The following LRFN2 variants were observed in gnomAD, a reference collection of about 807,000 sequenced individuals.
LRFN2 encodes leucine rich repeat and fibronectin type III domain containing 2.
A neutral mutation model predicts 37.3 loss-of-function variants in LRFN2; 18 were observed. That is an observed-to-expected ratio of 0.48 (90% confidence interval 0.33 to 0.72). The LOEUF (loss-of-function observed/expected upper bound fraction) is 0.72, where lower values mean the gene tolerates loss of function less well. LRFN2 is among the 30% of genes least tolerant of loss of function. The pLI is 0.02. For synonymous variants in LRFN2, 556 were observed against 466.6 expected (o/e 1.19, Z -2.47); for missense variants, 1,006 against 1,060.7 (o/e 0.95, Z 0.72).
At chr6:40,475,779 G>C (rs1764697005) in intron 1 of LRFN2, among the ~76,000 whole-genome samples, 1 of 152,100 alleles carries the variant, frequency 6.6e-6, no homozygotes. Context: ...CAATGCTCCT[G>C]GGATGTGCTG....
At position 40,392,581 on chromosome 6, in the gene LRFN2, G is replaced by T; in HGVS notation, c.1732C>A (p.Gln578Lys). ...MAAAVSNVYS[Q>K]TNGAQPPPPS... ...GGCGGTGGCTGGGCGCCGTTGGTCT[G>T]CGAGTACACATTGCTCACGGCCGCT... The change falls in exon 3 of 3, where the codon CAG becomes AAG. Residue 578 changes from glutamine (Q) to lysine (K), a missense_variant. Physicochemically the swap from Gln to Lys is moderately conservative, Grantham distance 53. Around this residue, in one of 4 missense-constraint regions of LRFN2, gnomAD observed 398 missense variants for 327.6 expected, o/e 1.21. Coordinates refer to ENST00000338305, the MANE Select transcript of LRFN2 (RefSeq NM_020737.3). The surrounding 1 kb of genome is among the most constrained non-coding windows in gnomAD (Gnocchi z 4.7). The T allele has an allele frequency of 6.2e-7, 1 of 1,607,392 alleles. No individual in the cohort carries two copies.
At chr6:40,477,705 C>T (rs2113861345) in intron 1 of LRFN2, among the ~76,000 whole-genome samples, 1 of 152,238 alleles carries the variant, frequency 6.6e-6, no homozygotes, top group Admixed American at 6.5e-5. Context: ...TTGGGCACAT[C>T]CTGTCCCACT....
intron 1 of LRFN2, among the ~76,000 whole-genome samples, chr6:40,442,652 C>G (rs1763865773): frequency 6.6e-6 from 1 of 152,174 alleles, no homozygotes; most frequent in African/African-American, 2.4e-5. Context: ...CTCTGTTTCC[C>G]CTCAGACTGG....
chr6:40,539,258 C>T (rs574348127), intron 1 of LRFN2, among the ~76,000 whole-genome samples: 7 of 152,298 alleles, frequency 4.6e-5, no homozygotes, highest in Non-Finnish European at 8.8e-5. Flanking sequence ...AGTGACCTTC[C>T]CTTTTGGGGG....
Position 40,459,009 on chromosome 6 carries a change from C to T in LRFN2, c.-18-25878G>A, listed in dbSNP as rs571357042. On this transcript the variant is annotated intron_variant, in intron 1 of 2. Transcript: ENST00000338305. ...CAACTTTACCTTATCCTAACTGATACACTGGATTAAAAGATGCTACAACAA... is the reference window on the plus strand; with the variant it reads ...CAACTTTACCTTATCCTAACTGATATACTGGATTAAAAGATGCTACAACAA... Among the ~76,000 whole-genome samples, 16 of 152,364 alleles carry T rather than the reference C, an allele frequency of 1.1e-4. No homozygotes were observed. The South Asian group carries it at 1.5e-3, about 14-fold the overall frequency.
At chr6:40,444,796 A>T (rs999412320) in intron 1 of LRFN2, among the ~76,000 whole-genome samples, 5 of 151,836 alleles carry the variant, frequency 3.3e-5, no homozygotes, top group Non-Finnish European at 5.9e-5. Context: ...AGTTCTGTCC[A>T]CCCCGCACAG....
rs1372620075 is a variant in LRFN2 at position 40,547,648 on chromosome 6, TG to T, written c.-19+39292del. ...TGCCTCCTGAATAGGGGAGGTCAAC[TG>T]GGAAGATCAACAGAAGATGGGAGGG... On this transcript the variant is annotated intron_variant, in intron 1 of 2. Transcript: ENST00000338305. 9.9e-5 allele frequency among the ~76,000 whole-genome samples: 15 copies of T among 152,192 alleles called. No homozygotes were observed. The East Asian group carries it at 2.7e-3, about 28-fold the overall frequency.
At chr6:40,539,073 T>C (rs891476114) in intron 1 of LRFN2, among the ~76,000 whole-genome samples, 2 of 151,950 alleles carry the variant, frequency 1.3e-5, no homozygotes, top group African/African-American at 4.8e-5. Flanking sequence ...CCTCACTCCA[T>C]CTTCTACCCT....
At chr6:40,520,222 C>T (rs1766017988) in intron 1 of LRFN2, among the ~76,000 whole-genome samples, 1 of 151,928 alleles carries the variant, frequency 6.6e-6, no homozygotes, top group African/African-American at 2.4e-5. Flanking sequence ...GAAGCCCAGC[C>T]CGAGAGGAGA....
chr6:40,459,493 CAT>C (rs1385767246), intron 1 of LRFN2, among the ~76,000 whole-genome samples: 2 of 152,202 alleles, frequency 1.3e-5, no homozygotes, highest in East Asian at 1.9e-4. Flanking sequence ...ATAGACAAAA[CAT>C]GTGTGTTTTG....
intron 1 of LRFN2, among the ~76,000 whole-genome samples, chr6:40,575,032 T>C (rs956213778): frequency 2.6e-5 from 4 of 152,112 alleles, no homozygotes; most frequent in African/African-American, 7.2e-5. Flanking sequence ...GCCATGGCAA[T>C]GGGTCCTTAG....
At chr6:40,512,506 C>T (rs929067497) in intron 1 of LRFN2, among the ~76,000 whole-genome samples, 1 of 152,226 alleles carries the variant, frequency 6.6e-6, no homozygotes, top group African/African-American at 2.4e-5. Flanking sequence ...TCAGACACAC[C>T]CTGATTGCAG....
chr6:40,572,056 C>T (rs570005268), intron 1 of LRFN2, among the ~76,000 whole-genome samples: 1 of 152,354 alleles, frequency 6.6e-6, no homozygotes, highest in East Asian at 1.9e-4. Context: ...TACCCCTCCT[C>T]CCGTTCTGCT....
intron 2 of LRFN2, among the ~76,000 whole-genome samples, chr6:40,401,132 G>A (rs1462788925): frequency 6.6e-6 from 1 of 152,108 alleles, no homozygotes; most frequent in Non-Finnish European, 1.5e-5. Flanking sequence ...TGGGCCTCAG[G>A]AATAGGAATG....
intron 1 of LRFN2, among the ~76,000 whole-genome samples, chr6:40,477,573 G>A (rs58561191): frequency 0.059 from 8,984 of 152,280 alleles, 301 homozygotes; most frequent in East Asian, 0.12. Flanking sequence ...CCAGAATGGC[G>A]CTGAGTGCAT....
chr6:40,416,929 C>T (rs373827217), intron 2 of LRFN2, among the ~76,000 whole-genome samples: 104 of 152,350 alleles, frequency 6.8e-4, no homozygotes, highest in African/African-American at 2.4e-3. Context: ...GTTCTTAGGC[C>T]TGTTCTAGTC....
intron 2 of LRFN2, among the ~76,000 whole-genome samples, chr6:40,406,542 A>AG (rs1244216746): frequency 6.6e-6 from 1 of 152,098 alleles, no homozygotes; most frequent in African/African-American, 2.4e-5. Context: ...GGACCCTGAG[A>AG]GCCCCCCTGC....
At chr6:40,532,597 C>T (rs895973478) in intron 1 of LRFN2, among the ~76,000 whole-genome samples, 1 of 152,182 alleles carries the variant, frequency 6.6e-6, no homozygotes, top group Non-Finnish European at 1.5e-5. Flanking sequence ...CCTCTGCCTG[C>T]CCTGCCTACG....
At chr6:40,423,599 G>A (rs1763279582) in intron 2 of LRFN2, among the ~76,000 whole-genome samples, 1 of 152,216 alleles carries the variant, frequency 6.6e-6, no homozygotes, top group Non-Finnish European at 1.5e-5. Context: ...TTGTGTGGAT[G>A]TGCTACCTGC....
Sources: gnomAD v4.1 joint callset for allele counts (sites outside exome capture counted in the v4.1 genomes callset) on GRCh38, gnomAD v4.1.1 for gene constraint, gnomAD v4.1.1 regional missense constraint, Gnocchi (gnomAD v3.1) non-coding constraint, MANE v1.5 for transcripts, NCBI Gene and HGNC (gene_info 2026-07-23, HGNC 2026-07-21) for gene names.